SNRK: variants seen among roughly 807,000 people sequenced by gnomAD.
The protein encoded by SNRK is SNF related kinase.
A neutral mutation model predicts 48.2 loss-of-function variants in SNRK; 3 were observed. The observed-to-expected ratio is 0.06, with a 90% CI of 0.03 to 0.16. SNRK has a LOEUF of 0.16. Among genes scored for constraint, SNRK ranks in the 10% least tolerant of loss-of-function variants. The probability of loss-of-function intolerance (pLI) is 1.00; values close to 1 mark genes in which losing one functional copy is unlikely to be tolerated. For missense variants in SNRK, 627 were observed against 976.0 expected (o/e 0.64, Z 4.76); for synonymous variants, 376 against 366.1 (o/e 1.03, Z -0.31).
chr3:43,290,579 C>A (rs1269218048), intron 1 of SNRK, among the ~76,000 whole-genome samples: 2 of 152,158 alleles, frequency 1.3e-5, no homozygotes, highest in African/African-American at 4.8e-5. Flanking sequence ...TACCAGCTGC[C>A]CTCATTTTTA....
Position 43,343,364 on chromosome 3 carries a change from A to G in SNRK, c.965A>G (p.Tyr322Cys), listed in dbSNP as rs2091251744. ...CTCAGAGCCCTGGAAACCAACAGGT[A>G]TAACCATATCACAGCCACATACTTC... ...AIVEALETNR[Y>C]NHITATYFLL... Residue 322 changes from tyrosine to cysteine, a missense_variant, in exon 6 of 7, where the codon TAT becomes TGT. Around this residue, in one of 4 missense-constraint regions of SNRK, gnomAD observed 175 missense variants for 209.7 expected, o/e 0.83. Transcript: ENST00000296088. The G allele has an allele frequency of 2.5e-6, 4 of 1,614,114 alleles. No homozygotes were observed. Among genetic ancestry groups the G allele is most frequent in the Non-Finnish European group, 3.4e-6 (4 of 1,180,012 alleles).
At chr3:43,327,413 G>A (rs535577856) in intron 3 of SNRK, among the ~76,000 whole-genome samples, 8 of 152,310 alleles carry the variant, frequency 5.3e-5, no homozygotes, top group African/African-American at 1.9e-4. Context: ...CAGCTGTGAA[G>A]TGGTCTTGTA....
At chr3:43,314,083 AT>A (rs1488512911) in intron 3 of SNRK, among the ~76,000 whole-genome samples, 2 of 152,208 alleles carry the variant, frequency 1.3e-5, no homozygotes, top group Non-Finnish European at 2.9e-5. Flanking sequence ...TTTTTAAAAA[AT>A]AAATATAAAA....
At chr3:43,330,928 T>TA (rs1186593694) in intron 3 of SNRK, among the ~76,000 whole-genome samples, 14 of 152,236 alleles carry the variant, frequency 9.2e-5, no homozygotes, top group Admixed American at 8.5e-4. Flanking sequence ...TTGTACGTAT[T>TA]AAAAAATCAC....
intron 3 of SNRK, among the ~76,000 whole-genome samples, chr3:43,304,604 T>A (rs1453723917): frequency 6.6e-6 from 1 of 152,174 alleles, no homozygotes; most frequent in Non-Finnish European, 1.5e-5. Context: ...TTGTTCTTAA[T>A]TTTTTTAAAG....
intron 4 of SNRK, among the ~76,000 whole-genome samples, chr3:43,338,713 T>C (rs1388658422): frequency 6.6e-6 from 1 of 151,778 alleles, no homozygotes; most frequent in Admixed American, 6.6e-5. Context: ...TTCCTTAATT[T>C]TATCTTACAT....
intron 3 of SNRK, among the ~76,000 whole-genome samples, chr3:43,304,186 T>G (rs2125620746): frequency 6.6e-6 from 1 of 152,324 alleles, no homozygotes; most frequent in East Asian, 1.9e-4. Context: ...ACTGTGAATA[T>G]TACAGTGCAA....
chr3:43,295,257 T>G lies in SNRK; in HGVS notation c.-168-4497T>G, dbSNP rs145007054. On this transcript the variant is annotated intron_variant, in intron 1 of 6. Transcript: ENST00000296088. ...TCAGATTACTTGATATATGTTGGAC[T>G]GCAGCTTGTTTTACTTAGAGCAAAT... Among the ~76,000 whole-genome samples, 339 of 152,374 alleles carry G rather than the reference T, an allele frequency of 2.2e-3. 1 individual carries two copies. The highest frequency in any genetic ancestry group is 6.8e-3 in the Middle Eastern group (2 of 294).
Position 43,348,420 on chromosome 3 carries a change from A to G in SNRK, c.2161A>G (p.Ile721Val), listed in dbSNP as rs1345166460. ...AGATACCACCACTGAATTGGAACGG[A>G]TAAAGAGCAAGAACCTGAAAAATAA... is the stretch of plus-strand genomic sequence containing the variant. ...MADTTTELER[I>V]KSKNLKNNVL... Residue 721 changes from isoleucine (I) to valine (V), a missense_variant, in exon 7 of 7, where the codon ATA (isoleucine) becomes GTA (valine). Physicochemically the swap from Ile to Val is conservative, Grantham distance 29. Coordinates refer to ENST00000296088, the MANE Select transcript of SNRK (RefSeq NM_017719.5). 1 of 1,612,360 alleles carries G rather than the reference A, an allele frequency of 6.2e-7. No homozygotes were observed. Among genetic ancestry groups the G allele is most frequent in the South Asian group, 1.1e-5 (1 of 90,818 alleles).
At chr3:43,311,898 A>G (rs1393449588) in intron 3 of SNRK, among the ~76,000 whole-genome samples, 1 of 152,152 alleles carries the variant, frequency 6.6e-6, no homozygotes, top group African/African-American at 2.4e-5. Flanking sequence ...AATTTTCTTC[A>G]TTTTAGAAAC....
In SNRK at chr3:43,350,885, CTT is replaced by C. The variant is rs2091318300; in HGVS notation, c.*2329_*2330del. 1 of 152,432 alleles carries C rather than the reference CTT, an allele frequency of 6.6e-6. No individual in the cohort carries two copies. Among genetic ancestry groups the C allele is most frequent in the African/African-American group, 2.4e-5 (1 of 41,400 alleles). 9.4% of individuals were successfully genotyped at this position (152,432 alleles called of 1,614,324 possible). A position where few individuals can be genotyped will look rare whatever the true frequency, so the allele number is the denominator to read the frequency against. ...GTGTGTATATATATATAATTATGTA[CTT>C]CTGGCAATTCTATCTGTATTTAAAG... On this transcript the variant is annotated 3_prime_UTR_variant, in exon 7 of 7. Coordinates refer to ENST00000296088, the MANE Select transcript of SNRK (RefSeq NM_017719.5).
chr3:43,322,622 G>A (rs1160063960), intron 3 of SNRK, among the ~76,000 whole-genome samples: 1 of 152,162 alleles, frequency 6.6e-6, no homozygotes, highest in Non-Finnish European at 1.5e-5. Context: ...AATAATTAGA[G>A]TATTCAGGAC....
At chr3:43,339,364 T>C (rs1167504536) in intron 4 of SNRK, among the ~76,000 whole-genome samples, 1 of 152,206 alleles carries the variant, frequency 6.6e-6, no homozygotes, top group Non-Finnish European at 1.5e-5. Context: ...TATTCTGTTA[T>C]ATGCACCCAA....
At chr3:43,290,531 G>T (rs1378945783) in intron 1 of SNRK, among the ~76,000 whole-genome samples, 1 of 152,174 alleles carries the variant, frequency 6.6e-6, no homozygotes, top group Non-Finnish European at 1.5e-5. Context: ...CTTCCAAAAT[G>T]TGTCTCCTCC....
chr3:43,334,675 C>T, intron 4 of SNRK, among the ~76,000 whole-genome samples: 1 of 151,760 alleles, frequency 6.6e-6, no homozygotes. Flanking sequence ...CTCACTTCAG[C>T]CTCCACCTCC....
At chr3:43,318,171 G>T (rs1484517010) in intron 3 of SNRK, among the ~76,000 whole-genome samples, 2 of 152,138 alleles carry the variant, frequency 1.3e-5, no homozygotes, top group Non-Finnish European at 2.9e-5. Context: ...TTTGTCCTCG[G>T]GAATTTCTGA....
chr3:43,287,810 C>T (rs560513871), intron 1 of SNRK, among the ~76,000 whole-genome samples: 1 of 152,258 alleles, frequency 6.6e-6, no homozygotes, highest in Non-Finnish European at 1.5e-5. Flanking sequence ...ACTTTAAAGC[C>T]CGGGTTGTCA....
chr3:43,321,306 GT>G (rs58661887), intron 3 of SNRK, among the ~76,000 whole-genome samples: 1,579 of 152,168 alleles, frequency 0.01, 25 homozygotes, highest in African/African-American at 0.035. Flanking sequence ...TTCCAAAATT[GT>G]TTTTATGTTA....
intron 3 of SNRK, among the ~76,000 whole-genome samples, chr3:43,318,365 A>G (rs79375536): frequency 2.6e-5 from 4 of 151,816 alleles, no homozygotes; most frequent in African/African-American, 9.7e-5. Flanking sequence ...ATAAAAAAAA[A>G]TGAAAGTCTT....
Sources: gnomAD v4.1 joint callset for allele counts (sites outside exome capture counted in the v4.1 genomes callset) on GRCh38, gnomAD v4.1.1 for gene constraint, gnomAD v4.1.1 regional missense constraint, MANE v1.5 for transcripts, NCBI Gene and HGNC (gene_info 2026-07-23, HGNC 2026-07-21) for gene names.